Variants in GCH1 observed in about 807,000 individuals in gnomAD.
The protein encoded by GCH1 is GTP cyclohydrolase 1, also known as GTP cyclohydrolase I.
Under a neutral mutation model 25.9 loss-of-function variants are expected in GCH1, and 5 were observed. The observed-to-expected ratio is 0.19, with a 90% CI of 0.10 to 0.41. GCH1 has a LOEUF of 0.41. Among genes scored for constraint, GCH1 ranks in the 10% least tolerant of loss-of-function variants. The pLI, the probability that GCH1 is intolerant of heterozygous loss-of-function variation, is 1.00. For missense variants in GCH1, 261 were observed against 336.5 expected, an observed-to-expected ratio of 0.78 and a Z score of 1.75; for synonymous variants, 159 against 129.6, an observed-to-expected ratio of 1.23 and a Z score of -1.54.
At position 54,886,581 on chromosome 14, in the gene GCH1, T is replaced by C. The variant is rs556241929; in HGVS notation, c.343+15740A>G. Among the ~76,000 whole-genome samples the C allele has an allele frequency of 1.3e-4, 20 of 152,254 alleles. No individual in the cohort carries two copies. In the South Asian group the frequency reaches 2.3e-3, roughly 17 times the overall value. On this transcript the variant is annotated intron_variant, in intron 1 of 5. Coordinates refer to ENST00000491895, the MANE Select transcript of GCH1 (RefSeq NM_000161.3). ...GAGCCGAGATCGCGCCACTGCACTC[T>C]AGCCTGGGTGACAGAGTGAAACTGT...
rs1044089000 is a variant in GCH1 at position 54,902,685 on chromosome 14, G to A, written c.-22C>T. On this transcript the variant is annotated 5_prime_UTR_variant, in exon 1 of 6. In the 5' UTR this introduces an upstream ATG that the reference lacks. Transcript: ENST00000491895. Reference sequence around the variant, plus strand: ...CCATGGACCCGCCGCAGCCGCTGCCGTTCGGGAAGGACCCCGGGGCGCTTC... The same window carrying A: ...CCATGGACCCGCCGCAGCCGCTGCCATTCGGGAAGGACCCCGGGGCGCTTC... 2 of 1,435,008 alleles carry A rather than the reference G, an allele frequency of 1.4e-6. No homozygotes were observed. The highest frequency in any genetic ancestry group is 9.1e-7 in the Non-Finnish European group (1 of 1,100,750). The allele number at this position is 1,435,008 out of a possible 1,614,324, so 88.9% of individuals were successfully genotyped here. A position where few individuals can be genotyped will look rare whatever the true frequency, so the allele number is the denominator to read the frequency against.
At chr14:54,864,337 G>A (rs149690571) in intron 2 of GCH1, among the ~76,000 whole-genome samples, 4 of 152,264 alleles carry the variant, frequency 2.6e-5, no homozygotes, top group African/African-American at 7.2e-5. Flanking sequence ...TCATAACACT[G>A]CTTCTTGTAA....
rs1225756882 is a variant in GCH1, at chr14:54,880,484, CATATAT to C, written c.344-15054_344-15049del. On this transcript the variant is annotated intron_variant, in intron 1 of 5. Coordinates refer to ENST00000491895, the MANE Select transcript of GCH1 (RefSeq NM_000161.3). ...ATACTCCATATATATATATACACTC[CATATAT>C]ATATATACTCCATATATATATATAC... Among the ~76,000 whole-genome samples the C allele has an allele frequency of 6.6e-3, 390 of 59,290 alleles. 55 individuals are homozygous for C. Among genetic ancestry groups the C allele is most frequent in the African/African-American group, 0.038 (379 of 10,078 alleles). The allele number at this position is 59,290 out of a possible 152,430, so 38.9% of individuals were successfully genotyped here. A position where few individuals can be genotyped will look rare whatever the true frequency, so the allele number is the denominator to read the frequency against.
In GCH1 at chr14:54,878,114, G is replaced by A. The variant is rs866983937; in HGVS notation, c.344-12678C>T. ...TGTTTCTGCTGTGGAGAAAGTGAGG[G>A]AAAAAGGTAAGAAGAAACTCCAGGG... On this transcript the variant is annotated intron_variant, in intron 1 of 5. Transcript: ENST00000491895. 13 of 154,818 alleles carry A rather than the reference G, an allele frequency of 8.4e-5. 1 individual carries two copies. The Middle Eastern group carries it at 6.8e-3, about 82-fold the overall frequency. The allele number at this position is 154,818 out of a possible 1,614,324, so 9.6% of individuals were successfully genotyped here.
At chr14:54,857,423 G>C (rs1050299358) in intron 3 of GCH1, among the ~76,000 whole-genome samples, 1 of 152,182 alleles carries the variant, frequency 6.6e-6, no homozygotes, top group Non-Finnish European at 1.5e-5. Context: ...TGGTTTTTCA[G>C]AGAAGGCTGT....
chr14:54,902,228 G>A lies in GCH1; in HGVS notation c.343+93C>T, dbSNP rs2040577108. 9 of 1,366,520 alleles carry A rather than the reference G, an allele frequency of 6.6e-6. 1 individual carries two copies. The highest frequency in any genetic ancestry group is 4.9e-4 in the Middle Eastern group (2 of 4,074). The allele number at this position is 1,366,520 out of a possible 1,614,324, so 84.6% of individuals were successfully genotyped here. ...GCCCGGCTTCCTGCGCCAAAAGTGAGGCAACTCCGGAAACTTCCTGGAGCC... is the reference window on the plus strand; with the variant it reads ...GCCCGGCTTCCTGCGCCAAAAGTGAAGCAACTCCGGAAACTTCCTGGAGCC... On this transcript the variant is annotated intron_variant, in intron 1 of 5. Coordinates refer to ENST00000491895, the MANE Select transcript of GCH1 (RefSeq NM_000161.3).
At chr14:54,876,785 T>C (rs1438451870) in intron 1 of GCH1, among the ~76,000 whole-genome samples, 1 of 152,092 alleles carries the variant, frequency 6.6e-6, no homozygotes, top group Non-Finnish European at 1.5e-5. Flanking sequence ...TATATGCTTA[T>C]CTGCAAAAAG....
intron 3 of GCH1, among the ~76,000 whole-genome samples, chr14:54,850,057 C>G (rs184242271): frequency 3.3e-5 from 5 of 152,050 alleles, no homozygotes; most frequent in Admixed American, 6.6e-5. Context: ...TCATTGGAAC[C>G]TCCACCTCCC....
intron 1 of GCH1, among the ~76,000 whole-genome samples, chr14:54,876,488 A>C (rs949464760): frequency 6.9e-6 from 1 of 144,442 alleles, no homozygotes; most frequent in African/African-American, 2.6e-5. Context: ...AACTTAAAGT[A>C]TAATAATAAA....
At chr14:54,898,281 T>C (rs2040515650) in intron 1 of GCH1, among the ~76,000 whole-genome samples, 1 of 152,128 alleles carries the variant, frequency 6.6e-6, no homozygotes, top group African/African-American at 2.4e-5. Flanking sequence ...ACAGTAAAAA[T>C]ATAGTAGAAA....
chr14:54,894,321 G>A (rs971332935), intron 1 of GCH1, among the ~76,000 whole-genome samples: 1 of 152,116 alleles, frequency 6.6e-6, no homozygotes, highest in African/African-American at 2.4e-5. Flanking sequence ...GCAGCGACTG[G>A]AGTGACGCAG....
chr14:54,850,483 G>GT lies in GCH1; in HGVS notation c.510-3354dup, dbSNP rs548540150. ...ACCCGCCACCACATCCAGCTAATTTGTTTTTTTTTTTAATTATTATTATAC... is the reference window on the plus strand; with the variant it reads ...ACCCGCCACCACATCCAGCTAATTTGTTTTTTTTTTTTAATTATTATTATAC... On this transcript the variant is annotated intron_variant, in intron 3 of 5. Coordinates refer to ENST00000491895, the MANE Select transcript of GCH1 (RefSeq NM_000161.3). Among the ~76,000 whole-genome samples, 1,165 of 144,224 alleles carry GT rather than the reference G, an allele frequency of 8.1e-3. 12 individuals are homozygous for GT. Among genetic ancestry groups the GT allele is most frequent in the African/African-American group, 0.026 (1,046 of 39,518 alleles). The allele number at this position is 144,224 out of a possible 152,430, so 94.6% of individuals were successfully genotyped here.
intron 1 of GCH1, among the ~76,000 whole-genome samples, chr14:54,893,275 C>G (rs117641016): frequency 0.016 from 2,382 of 152,250 alleles, 35 homozygotes; most frequent in South Asian, 0.048. Context: ...GTTTGCATAA[C>G]CTGGAACTGA....
chr14:54,855,014 C>A (rs1343539688), intron 3 of GCH1, among the ~76,000 whole-genome samples: 2 of 147,564 alleles, frequency 1.4e-5, no homozygotes, highest in Admixed American at 6.8e-5. Context: ...TCAAAGCACA[C>A]AAAGATAATA....
intron 3 of GCH1, among the ~76,000 whole-genome samples, chr14:54,856,556 G>A (rs1353373361): frequency 6.6e-6 from 1 of 152,126 alleles, no homozygotes; most frequent in African/African-American, 2.4e-5. Context: ...AGGTTCAAGC[G>A]ATTCTTCCAT....
Position 54,843,666 on chromosome 14 carries a change from C to T in GCH1, c.*351G>A. On this transcript the variant is annotated 3_prime_UTR_variant, in exon 6 of 6. Coordinates refer to ENST00000491895, the MANE Select transcript of GCH1 (RefSeq NM_000161.3). Reference sequence around the variant, plus strand: ...TACTGGGCACAGTTCCCTCTCATTCCCAATGCTCCTATGCTTATGAGGCAA... The same window carrying T: ...TACTGGGCACAGTTCCCTCTCATTCTCAATGCTCCTATGCTTATGAGGCAA... The T allele has an allele frequency of 1.3e-6, 2 of 1,578,086 alleles. No homozygotes were observed. The highest frequency in any genetic ancestry group is 1.2e-5 in the South Asian group (1 of 84,434).
At position 54,843,678 on chromosome 14, in the gene GCH1, T is replaced by C. The variant is rs1483553656; in HGVS notation, c.*339A>G. 6 of 1,594,246 alleles carry C rather than the reference T, an allele frequency of 3.8e-6. No individual in the cohort carries two copies. The highest frequency in any genetic ancestry group is 3.4e-5 in the South Asian group (3 of 87,010). On this transcript the variant is annotated 3_prime_UTR_variant, in exon 6 of 6. Coordinates refer to ENST00000491895, the MANE Select transcript of GCH1 (RefSeq NM_000161.3). Reference sequence around the variant, plus strand: ...TTCCCTCTCATTCCCAATGCTCCTATGCTTATGAGGCAAATTACTGTACTA... The same window carrying C: ...TTCCCTCTCATTCCCAATGCTCCTACGCTTATGAGGCAAATTACTGTACTA...
rs2040592144 is a variant in GCH1 at position 54,902,824 on chromosome 14, G to T, written c.-161C>A. On this transcript the variant is annotated 5_prime_UTR_variant, in exon 1 of 6. Coordinates refer to ENST00000491895, the MANE Select transcript of GCH1 (RefSeq NM_000161.3). ...CACTCCGAGCCGGGAGCGGCCACAG[G>T]CTGGAAAGCCCGGCCGCGCCTCCTT... 2 of 983,912 alleles carry T rather than the reference G, an allele frequency of 2.0e-6. No individual in the cohort carries two copies. The highest frequency in any genetic ancestry group is 1.7e-5 in the African/African-American group (1 of 58,782). 60.9% of individuals were successfully genotyped at this position (983,912 alleles called of 1,614,324 possible). A position where few individuals can be genotyped will look rare whatever the true frequency, so the allele number is the denominator to read the frequency against.
chr14:54,882,870 G>A (rs191736221), intron 1 of GCH1, among the ~76,000 whole-genome samples: 86 of 152,284 alleles, frequency 5.6e-4, no homozygotes, highest in Non-Finnish European at 7.1e-4. Flanking sequence ...AGAGATAAGG[G>A]ATCTTCCTTC....
Sources: gnomAD v4.1 joint callset for allele counts (sites outside exome capture counted in the v4.1 genomes callset) on GRCh38, gnomAD v4.1.1 for gene constraint, MANE v1.5 for transcripts, NCBI Gene and HGNC (gene_info 2026-07-23, HGNC 2026-07-21) for gene names.